Variants in COL13A1 observed in about 807,000 individuals in gnomAD.
The protein encoded by COL13A1 is collagen type XIII alpha 1 chain.
In COL13A1, 89 loss-of-function variants were observed where a neutral mutation model predicts 130.9. The observed-to-expected ratio is 0.68, with a 90% CI of 0.57 to 0.81. COL13A1 has a LOEUF of 0.81. Among genes scored for constraint, COL13A1 ranks in the 30% least tolerant of loss-of-function variants. The pLI is 0.00. For synonymous variants in COL13A1, 402 were observed against 341.6 expected (o/e 1.18, Z -1.95); for missense variants, 879 against 934.6 (o/e 0.94, Z 0.78).
rs187924549 is a variant in COL13A1 at position 69,918,933 on chromosome 10, G to C, written c.1000-129G>C. 41 of 1,054,346 alleles carry C rather than the reference G, an allele frequency of 3.9e-5. No individual in the cohort carries two copies. In the Admixed American group the frequency reaches 7.0e-4, roughly 18 times the overall value. 65.3% of individuals were successfully genotyped at this position (1,054,346 alleles called of 1,614,324 possible). On this transcript the variant is annotated intron_variant, in intron 19 of 40. Transcript: ENST00000645393. Reference sequence around the variant, plus strand: ...GGACCTGATGCCTGAACAGAGAAGAGCCGGGGCTGGCCAGATGTTTCACTA... The same window carrying C: ...GGACCTGATGCCTGAACAGAGAAGACCCGGGGCTGGCCAGATGTTTCACTA...
chr10:69,938,190 A>C (rs939389995), intron 34 of COL13A1, among the ~76,000 whole-genome samples: 6 of 152,200 alleles, frequency 3.9e-5, no homozygotes, highest in African/African-American at 1.4e-4. Context: ...TGGTCCCAGC[A>C]GGCCAAGGCC....
chr10:69,899,205 G>A (rs1201639709), intron 14 of COL13A1, among the ~76,000 whole-genome samples: 1 of 152,134 alleles, frequency 6.6e-6, no homozygotes, highest in African/African-American at 2.4e-5. Flanking sequence ...TGTCATTTGG[G>A]GCAAGTTACT....
At chr10:69,819,679 C>T (rs1211868952) in intron 1 of COL13A1, among the ~76,000 whole-genome samples, 1 of 152,178 alleles carries the variant, frequency 6.6e-6, no homozygotes, top group Non-Finnish European at 1.5e-5. Flanking sequence ...GCAGCCAACA[C>T]TCCCAACAGC....
Position 69,941,052 on chromosome 10 carries a change from C to A in COL13A1, c.1914+29C>A, listed in dbSNP as rs1475917167. On this transcript the variant is annotated intron_variant, in intron 35 of 40. Transcript: ENST00000645393. ...AGTGTCACTTCTCCATCACCCCTCA[C>A]CCCACTCCACTCCACACCTGGCCTG... 1.4e-5 allele frequency: 22 copies of A among 1,613,748 alleles called. No individual in the cohort carries two copies. In the South Asian group the frequency reaches 1.4e-4, roughly 10 times the overall value.
intron 21 of COL13A1, among the ~76,000 whole-genome samples, chr10:69,920,553 T>C (rs1182127782): frequency 1.3e-5 from 2 of 152,262 alleles, no homozygotes; most frequent in East Asian, 1.9e-4. Flanking sequence ...TCCAATAGGA[T>C]TGGTGGCCCT....
At position 69,859,997 on chromosome 10, in the gene COL13A1, C is replaced by T. The variant is rs889049086; in HGVS notation, c.365-7801C>T. On this transcript the variant is annotated intron_variant, in intron 2 of 40. Transcript: ENST00000645393. ...AGTGCCCCCAGACAGGAGCTTGCTT[C>T]TGAGTAGAGACCAACGTGGGGCCAG... Among the ~76,000 whole-genome samples, 20 of 152,322 alleles carry T rather than the reference C, an allele frequency of 1.3e-4. No individual in the cohort carries two copies. In the East Asian group the frequency reaches 1.4e-3, roughly 10 times the overall value.
At chr10:69,910,375 G>A (rs1183813788) in intron 17 of COL13A1, among the ~76,000 whole-genome samples, 1 of 152,004 alleles carries the variant, frequency 6.6e-6, no homozygotes, top group African/African-American at 2.4e-5. Flanking sequence ...GACCTGTGGG[G>A]TAACTGATGG....
chr10:69,929,279 G>C (rs558576752), intron 28 of COL13A1, among the ~76,000 whole-genome samples: 32 of 151,872 alleles, frequency 2.1e-4, no homozygotes, highest in African/African-American at 7.7e-4. Context: ...CCCACAGCGG[G>C]AGTGAGGACC....
chr10:69,859,551 C>T (rs1004598319), intron 2 of COL13A1, among the ~76,000 whole-genome samples: 2 of 152,210 alleles, frequency 1.3e-5, no homozygotes, highest in African/African-American at 2.4e-5. Context: ...GGAACACTGG[C>T]GAGATCCGGT....
At chr10:69,956,794 T>C in intron 39 of COL13A1, 1 of 569,162 alleles carries the variant, frequency 1.8e-6, no homozygotes, top group Non-Finnish European at 3.2e-6. Context: ...TATAGCTGCA[T>C]GTGACCTTTA....
chr10:69,827,773 G>A (rs1847849814), intron 2 of COL13A1, among the ~76,000 whole-genome samples: 3 of 152,102 alleles, frequency 2.0e-5, no homozygotes, highest in Admixed American at 2.0e-4. Flanking sequence ...AGCTAGCCTT[G>A]CCTTATTTTC....
At chr10:69,930,588 AC>A (rs745398003) in intron 30 of COL13A1, 36 bp downstream of exon 30, 1 of 1,598,098 alleles carries the variant, frequency 6.3e-7, no homozygotes. Flanking sequence ...CCGTGCATAC[AC>A]CACTCCCAAG....
At chr10:69,917,618 C>T (rs1016694518) in intron 18 of COL13A1, among the ~76,000 whole-genome samples, 14 of 152,070 alleles carry the variant, frequency 9.2e-5, no homozygotes, top group African/African-American at 3.4e-4. Flanking sequence ...AAATCACCTC[C>T]ACTTGAGATT....
intron 5 of COL13A1, among the ~76,000 whole-genome samples, chr10:69,875,858 G>A (rs1368180594): frequency 1.3e-5 from 2 of 152,190 alleles, no homozygotes; most frequent in Non-Finnish European, 2.9e-5. Flanking sequence ...CCCCAGCCTG[G>A]GCTAGGACAG....
rs11816811 is a variant in COL13A1, at chr10:69,887,467, A to C, written c.525A>C (p.Gly175=). ...TTTTTTTTTTTCAGGGTCAACCAGG[A>C]ACTAGAGGTTTCCCTGGATTTCCGG... ...IGPRGPPGQP[G]TRGFPGFPGP... Residue 175 remains glycine, a synonymous_variant, in exon 8 of 41, where the codon GGA becomes GGC. Transcript: ENST00000645393. The C allele has an allele frequency of 0.11, 170,737 of 1,611,854 alleles. 9,499 individuals are homozygous for C. Among genetic ancestry groups the C allele is most frequent in the Middle Eastern group, 0.2 (1,189 of 6,050 alleles).
At chr10:69,956,871 G>GAAAT (rs1589783631) in intron 39 of COL13A1, 133 bp from the exon 40 acceptor site, 2 of 686,154 alleles carry the variant, frequency 2.9e-6, no homozygotes, top group East Asian at 5.4e-5. Flanking sequence ...GTAGAGAAAA[G>GAAAT]AAATAGACAA....
chr10:69,838,316 T>A (rs1245815410), intron 2 of COL13A1, among the ~76,000 whole-genome samples: 2 of 152,226 alleles, frequency 1.3e-5, no homozygotes, highest in Non-Finnish European at 2.9e-5. Flanking sequence ...TGGAAACACC[T>A]AGACTAACAA....
intron 38 of COL13A1, among the ~76,000 whole-genome samples, chr10:69,950,930 C>T (rs1400287848): frequency 2.6e-5 from 4 of 152,134 alleles, no homozygotes; most frequent in Non-Finnish European, 5.9e-5. Context: ...CTCACTGCAA[C>T]CTCTGCCTCC....
At chr10:69,870,488 AT>A (rs72157739) in intron 3 of COL13A1, among the ~76,000 whole-genome samples, 27 of 141,784 alleles carry the variant, frequency 1.9e-4, no homozygotes, top group Non-Finnish European at 2.1e-4. Context: ...AATTTTTTTA[AT>A]TTTTTTTTTT....
Sources: gnomAD v4.1 joint callset for allele counts (sites outside exome capture counted in the v4.1 genomes callset) on GRCh38, gnomAD v4.1.1 for gene constraint, MANE v1.5 for transcripts, NCBI Gene and HGNC (gene_info 2026-07-23, HGNC 2026-07-21) for gene names.